Variants in NDST4 observed in about 807,000 individuals in gnomAD.
The protein encoded by NDST4 is N-deacetylase and N-sulfotransferase 4, also known as N-heparan sulfate sulfotransferase 4.
In NDST4, 63 loss-of-function variants were observed where a neutral mutation model predicts 100.8. The ratio of observed to expected loss-of-function variants is 0.62; its 90% CI spans 0.51 to 0.77. The LOEUF (loss-of-function observed/expected upper bound fraction) is 0.77. Among genes scored for constraint, NDST4 ranks in the 30% least tolerant of loss-of-function variants. The pLI is 0.00. For missense variants in NDST4, 943 were observed against 1,018.4 expected (o/e 0.93, Z 1.01); for synonymous variants, 377 against 361.8 (o/e 1.04, Z -0.48).
chr4:115,018,111 A>C (rs1427752236), intron 2 of NDST4, among the ~76,000 whole-genome samples: 1 of 151,974 alleles, frequency 6.6e-6, no homozygotes, highest in Non-Finnish European at 1.5e-5. Context: ...TGTACCACTA[A>C]AGGCTACTGC....
At chr4:114,836,275 C>T (rs1456851962) in intron 11 of NDST4, among the ~76,000 whole-genome samples, 2 of 152,110 alleles carry the variant, frequency 1.3e-5, no homozygotes, top group African/African-American at 4.8e-5. Flanking sequence ...ATATTTAGTG[C>T]TTCTGTCAGG....
chr4:115,093,727 T>G (rs1729566930), intron 1 of NDST4, among the ~76,000 whole-genome samples: 1 of 151,952 alleles, frequency 6.6e-6, no homozygotes. Flanking sequence ...TAGAAAATGC[T>G]CCTGTATTTA....
intron 4 of NDST4, among the ~76,000 whole-genome samples, chr4:114,946,536 T>C (rs866574401): frequency 6.6e-6 from 1 of 152,184 alleles, no homozygotes; most frequent in Non-Finnish European, 1.5e-5. Flanking sequence ...GATTGAGCTA[T>C]ACAGACTATT....
intron 10 of NDST4, among the ~76,000 whole-genome samples, chr4:114,840,969 G>A (rs1417492331): frequency 1.3e-5 from 2 of 152,108 alleles, no homozygotes; most frequent in African/African-American, 2.4e-5. Context: ...CTTATGCTGA[G>A]TATATAGATT....
intron 2 of NDST4, among the ~76,000 whole-genome samples, chr4:115,046,925 T>C (rs1728474857): frequency 6.6e-6 from 1 of 151,746 alleles, no homozygotes; most frequent in Non-Finnish European, 1.5e-5. Context: ...TATTTAAATA[T>C]ATTGCAGATA....
intron 4 of NDST4, among the ~76,000 whole-genome samples, chr4:114,954,128 C>T (rs1054802385): frequency 2.0e-5 from 3 of 152,116 alleles, no homozygotes; most frequent in African/African-American, 4.8e-5. Flanking sequence ...CAAATTTTCA[C>T]TGCTCTGTCT....
intron 6 of NDST4, among the ~76,000 whole-genome samples, chr4:114,909,216 T>C (rs1367294991): frequency 2.6e-5 from 4 of 152,134 alleles, no homozygotes; most frequent in East Asian, 3.8e-4. Context: ...ACCAAGATAA[T>C]TAAAAAGTTA....
At chr4:115,079,069 A>C (rs1729249135) in intron 1 of NDST4, among the ~76,000 whole-genome samples, 1 of 151,880 alleles carries the variant, frequency 6.6e-6, no homozygotes, top group African/African-American at 2.4e-5. Context: ...ACACTACATT[A>C]CTACAGGCAC....
chr4:114,898,191 T>C (rs1273164191), intron 6 of NDST4, among the ~76,000 whole-genome samples: 1 of 152,228 alleles, frequency 6.6e-6, no homozygotes, highest in South Asian at 2.1e-4. Flanking sequence ...TTTTAGGTCT[T>C]AAATTTAGGT....
intron 2 of NDST4, among the ~76,000 whole-genome samples, chr4:115,068,536 C>T (rs479528): frequency 0.035 from 5,245 of 151,332 alleles, 318 homozygotes; most frequent in African/African-American, 0.12. Context: ...TGGCTGGGTG[C>T]GGTGGCTCAT....
At chr4:114,839,687 TAAC>T (rs1384342181) in intron 10 of NDST4, 139 bp from the exon 11 acceptor site, 5 of 611,192 alleles carry the variant, frequency 8.2e-6, no homozygotes, top group African/African-American at 5.5e-5. Context: ...CACAAAATAA[TAAC>T]AAATCAAATA....
chr4:114,953,910 C>T (rs1726079447), intron 4 of NDST4, among the ~76,000 whole-genome samples: 1 of 152,120 alleles, frequency 6.6e-6, no homozygotes, highest in Admixed American at 6.6e-5. Flanking sequence ...AAAATGCCAT[C>T]CATAAATAAG....
At chr4:114,999,006 C>T (rs1727224547) in intron 2 of NDST4, among the ~76,000 whole-genome samples, 1 of 152,030 alleles carries the variant, frequency 6.6e-6, no homozygotes, top group Non-Finnish European at 1.5e-5. Context: ...AAGTAAACTT[C>T]ATGAAGATGA....
At chr4:114,939,923 C>T (rs1046810804) in intron 4 of NDST4, among the ~76,000 whole-genome samples, 7 of 152,162 alleles carry the variant, frequency 4.6e-5, no homozygotes, top group African/African-American at 1.7e-4. Context: ...AACTCTTTTG[C>T]TATTATCATG....
chr4:114,937,560 A>C, intron 4 of NDST4, 57 bp from the exon 5 acceptor site: 2 of 1,371,900 alleles, frequency 1.5e-6, no homozygotes, highest in Non-Finnish European at 2.0e-6. Context: ...TTCAGTGAAA[A>C]TCATTTCCAC....
chr4:115,074,848 G>T (rs1402715307), intron 2 of NDST4, among the ~76,000 whole-genome samples: 1 of 152,046 alleles, frequency 6.6e-6, no homozygotes, highest in Non-Finnish European at 1.5e-5. Context: ...AACACTCTTT[G>T]ATTCCTTTAT....
At chr4:114,921,831 C>T (rs1177510874) in intron 6 of NDST4, among the ~76,000 whole-genome samples, 3 of 151,950 alleles carry the variant, frequency 2.0e-5, no homozygotes, top group African/African-American at 7.3e-5. Flanking sequence ...TTTTCTTTTT[C>T]CCCCTTCATT....
intron 6 of NDST4, among the ~76,000 whole-genome samples, chr4:114,876,077 GA>G (rs555539784): frequency 6.6e-6 from 1 of 152,032 alleles, no homozygotes; most frequent in Non-Finnish European, 1.5e-5. Context: ...TGGTTCCTAG[GA>G]AAAAAATGCA....
At chr4:114,929,049 C>T (rs1034604975) in intron 6 of NDST4, among the ~76,000 whole-genome samples, 1 of 85,844 alleles carries the variant, frequency 1.2e-5, no homozygotes, top group African/African-American at 3.3e-5. Context: ...TCTGTCCGTC[C>T]GTCCGTCCGT....
Sources: allele counts gnomAD v4.1 joint callset (sites outside exome capture counted in the v4.1 genomes callset), GRCh38; gene constraint gnomAD v4.1.1; transcripts MANE v1.5; gene names NCBI Gene and HGNC (gene_info 2026-07-23, HGNC 2026-07-21).